Variants in PCDHA2 observed in about 807,000 individuals in gnomAD.
PCDHA2 encodes protocadherin alpha-2.
PCDHA2 carries 58 observed loss-of-function variants against 66.0 expected under a neutral mutation model. The ratio of observed to expected loss-of-function variants is 0.88; its 90% CI spans 0.71 to 1.09. The LOEUF is 1.09. Ranked by LOEUF, PCDHA2 falls within the 50% of genes least tolerant of loss-of-function variation. The probability of loss-of-function intolerance (pLI) is 0.00; values close to 1 mark genes in which losing one functional copy is unlikely to be tolerated. For synonymous variants in PCDHA2, 634 were observed against 554.0 expected, an observed-to-expected ratio of 1.14 and a Z score of -2.03; for missense variants, 1,267 against 1,242.3, an observed-to-expected ratio of 1.02 and a Z score of -0.30.
chr5:140,976,990 A>G (rs1162326000), intron 1 of PCDHA2, among the ~76,000 whole-genome samples: 1 of 152,228 alleles, frequency 6.6e-6, no homozygotes. Flanking sequence ...TCTTACTGCC[A>G]TAAGAAATCT....
intron 1 of PCDHA2, chr5:140,871,242 G>T: frequency 6.2e-7 from 1 of 1,613,980 alleles, no homozygotes; most frequent in South Asian, 1.1e-5. Flanking sequence ...TGGTACTCAC[G>T]CTGCTGCTGT....
Position 140,823,575 on chromosome 5 carries a change from G to A in PCDHA2, c.2388+26223G>A, listed in dbSNP as rs2150127056. ...AGGTGCGCGCAGTGGACCCTGATTC[G>A]GGCTACAACGCTTGGCTTTCGTATG... On this transcript the variant is annotated intron_variant, in intron 1 of 3. Transcript: ENST00000526136. 4 of 1,613,974 alleles carry A rather than the reference G, an allele frequency of 2.5e-6. No homozygotes were observed. The South Asian group carries it at 4.4e-5, about 18-fold the overall frequency.
chr5:140,962,764 T>C (rs946789298), intron 1 of PCDHA2, among the ~76,000 whole-genome samples: 7 of 152,226 alleles, frequency 4.6e-5, no homozygotes, highest in African/African-American at 1.7e-4. Flanking sequence ...TATTCGTTTT[T>C]AACAAGATGG....
At chr5:140,915,840 G>A (rs1554197129) in intron 1 of PCDHA2, among the ~76,000 whole-genome samples, 1 of 152,142 alleles carries the variant, frequency 6.6e-6, no homozygotes, top group Admixed American at 6.5e-5. Context: ...AGATCAGCAG[G>A]GGGTGACACC....
chr5:140,824,019 G>T, intron 1 of PCDHA2: 4 of 1,614,082 alleles, frequency 2.5e-6, no homozygotes, highest in Non-Finnish European at 3.4e-6. Context: ...GGAGCTGGTC[G>T]TACTCGCAGC....
intron 1 of PCDHA2, chr5:140,809,458 G>T (rs1764469357): frequency 6.2e-7 from 1 of 1,614,110 alleles, no homozygotes; most frequent in Non-Finnish European, 8.5e-7. Flanking sequence ...GGAGGCCGAG[G>T]GTGTGCTCTG....
chr5:140,862,825 C>T (rs782012901), intron 1 of PCDHA2: 2 of 572,056 alleles, frequency 3.5e-6, no homozygotes, highest in Non-Finnish European at 6.7e-6. Context: ...GGTGAGAGCG[C>T]GCGACGCGGG....
At chr5:140,857,733 C>T (rs2044837813) in intron 1 of PCDHA2, 1 of 1,597,494 alleles carries the variant, frequency 6.3e-7, no homozygotes, top group Non-Finnish European at 8.6e-7. Flanking sequence ...GACAACGCTC[C>T]CGCGCTGCTG....
intron 1 of PCDHA2, chr5:140,841,450 C>G: frequency 6.2e-7 from 1 of 1,612,936 alleles, no homozygotes; most frequent in Non-Finnish European, 8.5e-7. Context: ...AACACGGCAC[C>G]TTCGTGGGCC....
intron 1 of PCDHA2, among the ~76,000 whole-genome samples, chr5:140,944,406 C>T (rs1003379783): frequency 2.0e-5 from 3 of 152,084 alleles, no homozygotes; most frequent in Non-Finnish European, 2.9e-5. Flanking sequence ...AGGCTGGTCT[C>T]GAACTCCTGA....
chr5:140,984,091 T>G (rs1357477287), intron 3 of PCDHA2, among the ~76,000 whole-genome samples: 1 of 152,204 alleles, frequency 6.6e-6, no homozygotes. Context: ...GAAGAAATGA[T>G]GGAGGAGGAA....
intron 1 of PCDHA2, 51 bp downstream of exon 1, chr5:140,797,403 AT>A (rs782148538): frequency 4.6e-6 from 7 of 1,534,704 alleles, no homozygotes; most frequent in Non-Finnish European, 6.3e-6. Context: ...TTTTTAAAAA[AT>A]TCTATATGAT....
intron 1 of PCDHA2, among the ~76,000 whole-genome samples, chr5:140,838,075 A>AGTGTGTGTG (rs781914509): frequency 7.8e-6 from 1 of 128,134 alleles, no homozygotes; most frequent in Admixed American, 8.1e-5. Flanking sequence ...TTATATATAT[A>AGTGTGTGTG]TAGTGTGTGT....
chr5:140,861,303 G>A (rs1290097316), intron 1 of PCDHA2: 2 of 189,476 alleles, frequency 1.1e-5, no homozygotes, highest in Non-Finnish European at 2.2e-5. Context: ...TGTGAAGCGG[G>A]AAAGGACCAG....
At chr5:140,882,588 A>T in intron 1 of PCDHA2, 7 of 1,614,186 alleles carry the variant, frequency 4.3e-6, no homozygotes, top group Non-Finnish European at 5.1e-6. Context: ...ATCCACCTGG[A>T]GGTGATCGTG....
chr5:140,992,352 G>C (rs1554252825), intron 3 of PCDHA2, among the ~76,000 whole-genome samples: 1 of 152,162 alleles, frequency 6.6e-6, no homozygotes, highest in African/African-American at 2.4e-5. Context: ...TGTGGAGAGA[G>C]GAGAAAAATG....
rs1562723002 is a variant in PCDHA2, at chr5:140,876,958, G to C, written c.2388+79606G>C. 3 of 1,613,288 alleles carry C rather than the reference G, an allele frequency of 1.9e-6. No individual in the cohort carries two copies. The East Asian group carries it at 6.7e-5, about 36-fold the overall frequency. On this transcript the variant is annotated intron_variant, in intron 1 of 3. Transcript: ENST00000526136. ...CGCGCTGGTGTCCTACTCGCTGGTG[G>C]AGCGGCGGGTGGGCGAGCACGCACT...
At position 140,851,914 on chromosome 5, in the gene PCDHA2, A is replaced by G. The variant is rs1213624827; in HGVS notation, c.2388+54562A>G. 6 of 969,578 alleles carry G rather than the reference A, an allele frequency of 6.2e-6. No individual in the cohort carries two copies. The African/African-American group carries it at 7.1e-5, about 11-fold the overall frequency. 60.1% of individuals were successfully genotyped at this position (969,578 alleles called of 1,614,324 possible). On this transcript the variant is annotated intron_variant, in intron 1 of 3. Coordinates refer to ENST00000526136, the MANE Select transcript of PCDHA2 (RefSeq NM_018905.3). ...AGATTTGCCTCTTTAATGTCACTAC[A>G]TGTTATGTTTCCTGAATTGTAGTAT... is the stretch of plus-strand genomic sequence containing the variant.
intron 1 of PCDHA2, chr5:140,817,117 C>T (rs2126677661): frequency 1.3e-5 from 2 of 152,222 alleles, no homozygotes; most frequent in Non-Finnish European, 2.9e-5. Flanking sequence ...TTCTGAGCTG[C>T]CCTCAGGATT....
Sources: gnomAD v4.1 joint callset for allele counts (sites outside exome capture counted in the v4.1 genomes callset) on GRCh38, gnomAD v4.1.1 for gene constraint, MANE v1.5 for transcripts, NCBI Gene and HGNC (gene_info 2026-07-23, HGNC 2026-07-21) for gene names.